Variants in IL22RA1 observed in about 807,000 individuals in gnomAD.
IL22RA1 encodes interleukin 22 receptor subunit alpha 1.
In IL22RA1, 25 loss-of-function variants were observed where a neutral mutation model predicts 32.8. The ratio of observed to expected loss-of-function variants is 0.76; its 90% CI spans 0.55 to 1.06. IL22RA1 has a LOEUF of 1.06. Ranked by LOEUF, IL22RA1 falls within the 50% of genes least tolerant of loss-of-function variation. The pLI is 0.00. For synonymous variants in IL22RA1, 305 were observed against 305.0 expected (o/e 1.00, Z 0.00); for missense variants, 709 against 727.4 (o/e 0.97, Z 0.29).
intron 1 of IL22RA1, among the ~76,000 whole-genome samples, chr1:24,141,768 T>C (rs1243008748): frequency 6.6e-6 from 1 of 152,168 alleles, no homozygotes. Flanking sequence ...TATTGTGAAA[T>C]CTGGGGAGAC....
chr1:24,121,250 G>T lies in IL22RA1; in HGVS notation c.1280C>A (p.Pro427His). The change falls in exon 7 of 7, where the codon CCT (proline) becomes CAT (histidine). Residue 427 changes from proline (P) to histidine (H), a missense_variant. Coordinates refer to ENST00000270800, the MANE Select transcript of IL22RA1 (RefSeq NM_021258.4). Reference sequence around the variant, plus strand: ...TGGCTCTTTCTGAAGCTGACCTTTAGGCCTAAGGTGTTTAGGACTAGAAAG... The same window carrying T: ...TGGCTCTTTCTGAAGCTGACCTTTATGCCTAAGGTGTTTAGGACTAGAAAG... Reference protein sequence around the residue: ...GTLSSPKHLRPKGQLQKEPPA... With the variant: ...GTLSSPKHLRHKGQLQKEPPA... 1 of 1,614,214 alleles carries T rather than the reference G, an allele frequency of 6.2e-7. No individual in the cohort carries two copies. Among genetic ancestry groups the T allele is most frequent in the Non-Finnish European group, 8.5e-7 (1 of 1,180,036 alleles).
intron 4 of IL22RA1, among the ~76,000 whole-genome samples, chr1:24,129,200 C>A (rs1201984624): frequency 6.6e-6 from 1 of 152,162 alleles, no homozygotes; most frequent in Non-Finnish European, 1.5e-5. Flanking sequence ...TGGTTTTAGC[C>A]CCTCAATGTT....
In IL22RA1 at chr1:24,123,292, G is replaced by C. The variant is rs577109221; in HGVS notation, c.792+10C>G. 1.2e-6 allele frequency: 2 copies of C among 1,613,160 alleles called. No individual in the cohort carries two copies. Among genetic ancestry groups the C allele is most frequent in the Non-Finnish European group, 8.5e-7 (1 of 1,179,448 alleles). ...GGACCTCTCCCTCCCACCCTGGGGG[G>C]ATGGCTCACCAGGGAGTTGGGAGGT... On this transcript the variant is annotated intron_variant, in intron 6 of 6. Transcript: ENST00000270800.
At chr1:24,132,328 T>C (rs1644210914) in intron 4 of IL22RA1, among the ~76,000 whole-genome samples, 1 of 144,304 alleles carries the variant, frequency 6.9e-6, no homozygotes, top group Admixed American at 6.8e-5. Flanking sequence ...GGTTTTTGTG[T>C]GTGTGTTTTT....
rs770620225 is a variant in IL22RA1 at position 24,138,684 on chromosome 1, A to G, written c.74T>C (p.Leu25Pro). 6.2e-7 allele frequency: 1 copy of G among 1,614,136 alleles called. No individual in the cohort carries two copies. The highest frequency in any genetic ancestry group is 8.5e-7 in the Non-Finnish European group (1 of 1,180,032). Reference protein sequence around the residue: ...AHAPEDPSDLLQHVKFQSSNF... With the variant: ...AHAPEDPSDLPQHVKFQSSNF... ...GCTGGACTGGAATTTCACGTGCTGG[A>G]GCAGATCCGAGGGGTCCTCAGGGGC... Residue 25 changes from leucine to proline, a missense_variant, in exon 2 of 7, where the codon CTC becomes CCC. Physicochemically the swap from Leu to Pro is moderately conservative, Grantham distance 98. Coordinates refer to ENST00000270800, the MANE Select transcript of IL22RA1 (RefSeq NM_021258.4).
chr1:24,135,480 G>A (rs1644235292), intron 3 of IL22RA1, among the ~76,000 whole-genome samples: 1 of 152,110 alleles, frequency 6.6e-6, no homozygotes, highest in Admixed American at 6.5e-5. Flanking sequence ...AGCTATGTGT[G>A]ACTATAAAGT....
At chr1:24,133,975 T>G (rs572741643) in intron 4 of IL22RA1, among the ~76,000 whole-genome samples, 2 of 151,318 alleles carry the variant, frequency 1.3e-5, no homozygotes, top group Non-Finnish European at 3.0e-5. Context: ...GATAGTGGAG[T>G]CTTGGCTCTG....
intron 4 of IL22RA1, among the ~76,000 whole-genome samples, chr1:24,128,548 T>TATAA (rs916612843): frequency 1.1e-4 from 16 of 150,746 alleles, no homozygotes; most frequent in Non-Finnish European, 1.8e-4. Context: ...TATATATATA[T>TATAA]AAAATGTGTG....
rs1644107186 is a variant in IL22RA1 at position 24,119,860 on chromosome 1, C to G, written c.*945G>C. The G allele has an allele frequency of 6.6e-6, 1 of 152,298 alleles. No individual in the cohort carries two copies. The highest frequency in any genetic ancestry group is 2.4e-5 in the African/African-American group (1 of 41,472). 9.4% of individuals were successfully genotyped at this position (152,298 alleles called of 1,614,324 possible). On this transcript the variant is annotated 3_prime_UTR_variant, in exon 7 of 7. Coordinates refer to ENST00000270800, the MANE Select transcript of IL22RA1 (RefSeq NM_021258.4). ...ACTTCATTTCATCTTCACCACAACT[C>G]CATGAGGTAGGTGTTATGATCCCCA...
intron 5 of IL22RA1, among the ~76,000 whole-genome samples, chr1:24,126,506 C>G (rs1310529790): frequency 2.0e-5 from 3 of 152,210 alleles, no homozygotes; most frequent in Non-Finnish European, 2.9e-5. Context: ...GTGACTCCCC[C>G]AGGCACGTGG....
At chr1:24,142,920 C>A in intron 1 of IL22RA1, 120 bp downstream of exon 1, 3 of 964,988 alleles carry the variant, frequency 3.1e-6, no homozygotes, top group Non-Finnish European at 4.9e-6. Flanking sequence ...CCTGCTCAGC[C>A]CTAGCAGGGG....
chr1:24,126,022 G>A (rs899699115), intron 5 of IL22RA1, among the ~76,000 whole-genome samples: 1 of 152,216 alleles, frequency 6.6e-6, no homozygotes. Flanking sequence ...GGGTGTTGTG[G>A]GTAAGGGTGG....
chr1:24,140,256 T>G (rs995605747), intron 1 of IL22RA1, among the ~76,000 whole-genome samples: 8 of 152,194 alleles, frequency 5.3e-5, no homozygotes, highest in South Asian at 4.1e-4. Context: ...GAACCTACAA[T>G]ATTCATCCCA....
chr1:24,126,974 C>T (rs1644165629), intron 5 of IL22RA1, among the ~76,000 whole-genome samples: 1 of 147,722 alleles, frequency 6.8e-6, no homozygotes, highest in African/African-American at 2.5e-5. Flanking sequence ...AGATCAAGAC[C>T]AGCCTGAGCA....
intron 4 of IL22RA1, among the ~76,000 whole-genome samples, chr1:24,133,002 C>T (rs564467329): frequency 1.3e-5 from 2 of 151,642 alleles, no homozygotes; most frequent in South Asian, 2.1e-4. Flanking sequence ...AACTTCTCTT[C>T]GTTCCCTCAT....
At chr1:24,128,090 C>A (rs1481316254) in intron 5 of IL22RA1, 51 bp downstream of exon 5, 1 of 1,484,102 alleles carries the variant, frequency 6.7e-7, no homozygotes, top group African/African-American at 1.4e-5. Flanking sequence ...AGAGAAGAGT[C>A]AAGACTTGAA....
chr1:24,122,056 G>C (rs1238074292), intron 6 of IL22RA1, among the ~76,000 whole-genome samples: 1 of 152,174 alleles, frequency 6.6e-6, no homozygotes, highest in African/African-American at 2.4e-5. Flanking sequence ...GCATGATCTC[G>C]AGGTGGTGGC....
chr1:24,142,343 T>C (rs1644287281), intron 1 of IL22RA1, among the ~76,000 whole-genome samples: 1 of 152,254 alleles, frequency 6.6e-6, no homozygotes, highest in African/African-American at 2.4e-5. Context: ...GTTCCCTGAA[T>C]TTCATGCAAT....
At chr1:24,137,812 C>T (rs978922423) in intron 2 of IL22RA1, among the ~76,000 whole-genome samples, 3 of 152,154 alleles carry the variant, frequency 2.0e-5, no homozygotes, top group Admixed American at 6.5e-5. Flanking sequence ...CCACTGTGCC[C>T]AGCCTATTCT....
Sources: allele counts gnomAD v4.1 joint callset (sites outside exome capture counted in the v4.1 genomes callset), GRCh38; gene constraint gnomAD v4.1.1; transcripts MANE v1.5; gene names NCBI Gene and HGNC (gene_info 2026-07-23, HGNC 2026-07-21).